Variants in GYS1 observed in about 807,000 individuals in gnomAD.
GYS1 encodes the protein glycogen [starch] synthase, muscle.
GYS1 carries 60 observed loss-of-function variants against 89.1 expected under a neutral mutation model. That is an observed-to-expected ratio of 0.67 (90% CI 0.55 to 0.84). GYS1 has a LOEUF of 0.84. Ranked by LOEUF, GYS1 falls within the 40% of genes least tolerant of loss-of-function variation. The pLI, the probability that GYS1 is intolerant of heterozygous loss-of-function variation, is 0.00. For missense variants in GYS1, 888 were observed against 1,003.1 expected (o/e 0.89, Z 1.55); for synonymous variants, 366 against 401.7 (o/e 0.91, Z 1.06).
intron 5 of GYS1, among the ~76,000 whole-genome samples, chr19:48,984,876 G>A (rs542762578): frequency 9.2e-5 from 14 of 151,826 alleles, no homozygotes; most frequent in South Asian, 2.1e-4. Flanking sequence ...GCGAGACTCC[G>A]TCTCAAAAAT....
chr19:48,969,888 T>G, intron 14 of GYS1, 33 bp from the exon 15 acceptor site: 1 of 1,510,760 alleles, frequency 6.6e-7, no homozygotes, highest in Non-Finnish European at 9.2e-7. Context: ...GCAGAGGATG[T>G]GAGAGCCAGG....
rs569019323 is a variant in GYS1 at position 48,986,489 on chromosome 19, C to CT, written c.493-455dup. The stretch of plus-strand genomic sequence containing the variant: ...TCCCAGGGCATGAGAAATTAAGCTT[C>CT]TTTTTTTTTTTTTCTTTTTCTTTTT... On this transcript the variant is annotated intron_variant, in intron 3 of 15. Transcript: ENST00000323798. 4.1e-3 allele frequency among the ~76,000 whole-genome samples: 580 copies of CT among 142,200 alleles called. 3 individuals are homozygous for CT. The highest frequency in any genetic ancestry group is 9.8e-3 in the African/African-American group (383 of 39,026). 93.3% of individuals were successfully genotyped at this position (142,200 alleles called of 152,430 possible). A position where few individuals can be genotyped will look rare whatever the true frequency, so the allele number is the denominator to read the frequency against.
rs551104668 is a variant in GYS1, at chr19:48,978,330, A to C, written c.1170-173T>G. The C allele has an allele frequency of 1.1e-4, 70 of 655,224 alleles. 2 individuals are homozygous for C. Among genetic ancestry groups the C allele is most frequent in the South Asian group, 1.1e-3 (70 of 65,550 alleles). The allele number at this position is 655,224 out of a possible 1,614,324, so 40.6% of individuals were successfully genotyped here. A position where few individuals can be genotyped will look rare whatever the true frequency, so the allele number is the denominator to read the frequency against. ...AACCTCTGCCTCCCAGGTTCAAGCA[A>C]TTCTCCTGCCTCAGCCTCCCGAGTA... On this transcript the variant is annotated intron_variant, in intron 8 of 15. Transcript: ENST00000323798.
chr19:48,985,421 C>T, intron 5 of GYS1, 40 bp downstream of exon 5: 13 of 1,606,328 alleles, frequency 8.1e-6, no homozygotes, highest in Non-Finnish European at 1.1e-5. Flanking sequence ...AGACAGCTGC[C>T]TACCTCATTC....
In GYS1 at chr19:48,990,009, G is replaced by GGA. The variant is rs1555800160; in HGVS notation, c.300+1292_300+1293insTC. Reference sequence around the variant, plus strand: ...GTCTGCCCTTTTGCTGGGGGGGGGGGGGGGCTATTCTTAGGCCCCCAGCAC... The same window carrying GGA: ...GTCTGCCCTTTTGCTGGGGGGGGGGGGAGGGGCTATTCTTAGGCCCCCAGCAC... On this transcript the variant is annotated intron_variant, in intron 2 of 15. Coordinates refer to ENST00000323798, the MANE Select transcript of GYS1 (RefSeq NM_002103.5). 3.9e-4 allele frequency among the ~76,000 whole-genome samples: 58 copies of GGA among 150,166 alleles called. 3 individuals carry two copies. The highest frequency in any genetic ancestry group is 1.3e-3 in the African/African-American group (54 of 40,806).
At position 48,968,216 on chromosome 19, in the gene GYS1, C is replaced by G. The variant is rs1331936352; in HGVS notation, c.*1072G>C. On this transcript the variant is annotated 3_prime_UTR_variant, in exon 16 of 16. Transcript: ENST00000323798. ...CTGCCCTCCCCTCTCAACTGCAAAC[C>G]AAGCGGTGCAGACACAGCACAGCAC... is the stretch of plus-strand genomic sequence containing the variant. 1 of 454,124 alleles carries G rather than the reference C, an allele frequency of 2.2e-6. No homozygotes were observed. The highest frequency in any genetic ancestry group is 4.4e-6 in the Non-Finnish European group (1 of 226,816). 28.1% of individuals were successfully genotyped at this position (454,124 alleles called of 1,614,324 possible). A position where few individuals can be genotyped will look rare whatever the true frequency, so the allele number is the denominator to read the frequency against.
At position 48,969,340 on chromosome 19, in the gene GYS1, G is replaced by GTGC; in HGVS notation, c.2159_2161dup (p.Ser720dup). ...GGTGGGGCTGAGGGGCTCGCTCGGGGTGCTGAGTGAGCTGGAGGTGGCCGT... is the reference window on the plus strand; with the variant it reads ...GGTGGGGCTGAGGGGCTCGCTCGGGGTGCTGCTGAGTGAGCTGGAGGTGGCCGT... On this transcript the variant is annotated inframe_insertion, in exon 16 of 16. Transcript: ENST00000323798. 1 of 1,585,702 alleles carries GTGC rather than the reference G, an allele frequency of 6.3e-7. No individual in the cohort carries two copies. The highest frequency in any genetic ancestry group is 8.5e-7 in the Non-Finnish European group (1 of 1,171,834).
At chr19:48,979,220 CAAGT>C (rs771353337) in intron 8 of GYS1, among the ~76,000 whole-genome samples, 3 of 151,928 alleles carry the variant, frequency 2.0e-5, no homozygotes, top group Non-Finnish European at 4.4e-5. Flanking sequence ...CTTAGGCACA[CAAGT>C]AAAGCTAGCA....
chr19:48,989,779 T>C (rs1006936849), intron 2 of GYS1, among the ~76,000 whole-genome samples: 4 of 152,168 alleles, frequency 2.6e-5, no homozygotes, highest in African/African-American at 9.6e-5. Flanking sequence ...GGGCTGCATT[T>C]TTCTAGCCAC....
intron 5 of GYS1, among the ~76,000 whole-genome samples, chr19:48,985,210 G>C (rs2038822860): frequency 6.6e-6 from 1 of 152,024 alleles, no homozygotes; most frequent in Non-Finnish European, 1.5e-5. Flanking sequence ...CACCATGTCT[G>C]GCGAATATTT....
intron 15 of GYS1, 57 bp from the exon 16 acceptor site, chr19:48,969,668 C>T: frequency 1.3e-6 from 2 of 1,574,312 alleles, no homozygotes; most frequent in Middle Eastern, 2.1e-4. Flanking sequence ...ACAGTCCCAC[C>T]CAGGCATCCA....
chr19:48,972,050 G>A (rs1600131835), intron 12 of GYS1, among the ~76,000 whole-genome samples: 1 of 151,034 alleles, frequency 6.6e-6, no homozygotes, highest in East Asian at 2.0e-4. Flanking sequence ...AAAAAAAAAG[G>A]CCGGGCACGG....
intron 12 of GYS1, among the ~76,000 whole-genome samples, chr19:48,972,519 C>A (rs942546451): frequency 1.6e-4 from 24 of 151,916 alleles, no homozygotes; most frequent in African/African-American, 5.6e-4. Context: ...GACTCTGTCG[C>A]CCAGGCTGGA....
Position 48,978,223 on chromosome 19 carries a change from T to C in GYS1, c.1170-66A>G, listed in dbSNP as rs1206282122. 3 of 1,339,000 alleles carry C rather than the reference T, an allele frequency of 2.2e-6. 1 individual carries two copies. Among genetic ancestry groups the C allele is most frequent in the Non-Finnish European group, 3.2e-6 (3 of 931,288 alleles). 82.9% of individuals were successfully genotyped at this position (1,339,000 alleles called of 1,614,324 possible). On this transcript the variant is annotated intron_variant, in intron 8 of 15. Transcript: ENST00000323798. ...GCCATTTACTGTTAGGCTTCTTTAG[T>C]TAGTTTGTTTGTTTATTTTGAGACG...
chr19:48,984,615 CGATCTCCTGACCTCGT>C (rs1354146320), intron 5 of GYS1, among the ~76,000 whole-genome samples: 1 of 151,946 alleles, frequency 6.6e-6, no homozygotes, highest in Non-Finnish European at 1.5e-5. Context: ...AGGCTGGTCT[CGATCTCCTGACCTCGT>C]GATCTGCCCG....
intron 2 of GYS1, among the ~76,000 whole-genome samples, chr19:48,988,713 C>T (rs756332431): frequency 3.0e-4 from 45 of 152,162 alleles, no homozygotes; most frequent in Non-Finnish European, 7.4e-5. Context: ...CTCCCAGGCT[C>T]AAGCAATCCT....
intron 14 of GYS1, chr19:48,970,248 C>G (rs1224842705): frequency 1.5e-5 from 7 of 469,634 alleles, no homozygotes; most frequent in Non-Finnish European, 2.7e-5. Context: ...CCTCAGCCTC[C>G]CCAGTAGCTG....
rs2038925007 is a variant in GYS1 at position 48,991,464 on chromosome 19, C to T, written c.138G>A (p.Val46=). The T allele has an allele frequency of 1.2e-6, 2 of 1,614,086 alleles. No individual in the cohort carries two copies. Among genetic ancestry groups the T allele is most frequent in the Non-Finnish European group, 8.5e-7 (1 of 1,180,032 alleles). ...VANKVGGIYT[V]LQTKAKVTGD... Reference sequence around the variant, plus strand: ...CTGTCACCTTCGCCTTCGTCTGCAGCACCGTGTAGATGCCACCCACTGTGG... The same window carrying T: ...CTGTCACCTTCGCCTTCGTCTGCAGTACCGTGTAGATGCCACCCACTGTGG... Residue 46 remains valine (V), a synonymous_variant, in exon 2 of 16, where the codon GTG becomes GTA. Coordinates refer to ENST00000323798, the MANE Select transcript of GYS1 (RefSeq NM_002103.5). This position sits in a 1 kb window ranked among gnomAD's most constrained non-coding sequence, Gnocchi z 4.7.
chr19:48,976,437 T>C (rs969128579), intron 10 of GYS1, among the ~76,000 whole-genome samples: 5 of 152,020 alleles, frequency 3.3e-5, no homozygotes, highest in African/African-American at 4.8e-5. Context: ...CTAGACTCAA[T>C]AGAATGACGG....
Sources: gnomAD v4.1 joint callset for allele counts (sites outside exome capture counted in the v4.1 genomes callset) on GRCh38, gnomAD v4.1.1 for gene constraint, Gnocchi (gnomAD v3.1) non-coding constraint, MANE v1.5 for transcripts, NCBI Gene and HGNC (gene_info 2026-07-23, HGNC 2026-07-21) for gene names.